PPP3CA: variants seen among roughly 807,000 people sequenced by gnomAD.
The protein encoded by PPP3CA is protein phosphatase 3 catalytic subunit alpha, also known as CAM-PRP catalytic subunit.
PPP3CA carries 14 observed loss-of-function variants against 66.5 expected under a neutral mutation model. That is an observed-to-expected ratio of 0.21 (90% CI 0.14 to 0.33). The LOEUF (loss-of-function observed/expected upper bound fraction) is 0.33. PPP3CA is among the 10% of genes least tolerant of loss of function. PPP3CA has a pLI of 1.00. For synonymous variants in PPP3CA, 232 were observed against 226.2 expected (o/e 1.03, Z -0.23); for missense variants, 317 against 639.5 (o/e 0.50, Z 5.44).
At chr4:101,291,866 C>T (rs1243405933) in intron 1 of PPP3CA, among the ~76,000 whole-genome samples, 1 of 152,184 alleles carries the variant, frequency 6.6e-6, no homozygotes, top group Non-Finnish European at 1.5e-5. Flanking sequence ...CAGTGGCTCA[C>T]ACCTGTAATC....
chr4:101,296,103 T>C (rs1403372685), intron 1 of PPP3CA, among the ~76,000 whole-genome samples: 1 of 152,180 alleles, frequency 6.6e-6, no homozygotes, highest in Non-Finnish European at 1.5e-5. Context: ...AACCTTAGAA[T>C]TATATATATG....
intron 1 of PPP3CA, chr4:101,330,367 T>A (rs777078205): frequency 6.9e-5 from 35 of 510,382 alleles, no homozygotes; most frequent in South Asian, 1.4e-4. Flanking sequence ...ATCTAAAAAA[T>A]CTACTTTCTT....
At position 101,346,895 on chromosome 4, in the gene PPP3CA, C is replaced by T; in HGVS notation, c.-99G>A. ...ACACTCAACGCCGCCGCCGCCGCCG[C>T]CGCCGCCGCGCTGCAAACCGCTCGG... On this transcript the variant is annotated 5_prime_UTR_variant, in exon 1 of 14. Transcript: ENST00000394854. 1 of 1,423,604 alleles carries T rather than the reference C, an allele frequency of 7.0e-7. No individual in the cohort carries two copies. The highest frequency in any genetic ancestry group is 9.6e-7 in the Non-Finnish European group (1 of 1,037,870). 88.2% of individuals were successfully genotyped at this position (1,423,604 alleles called of 1,614,324 possible).
intron 3 of PPP3CA, among the ~76,000 whole-genome samples, chr4:101,106,449 GAAAGAGAAAAGAAAAGAAAA>G (rs1560605071): frequency 0.025 from 136 of 5,550 alleles, 45 homozygotes; most frequent in African/African-American, 0.055. Context: ...AAGAAAGAAA[GAAAGAGAAAAGAAAAGAAAA>G]GAAAAGAAAA....
chr4:101,065,014 A>C (rs1306587977), intron 8 of PPP3CA, among the ~76,000 whole-genome samples: 2 of 151,986 alleles, frequency 1.3e-5, no homozygotes, highest in Non-Finnish European at 2.9e-5. Flanking sequence ...GGGGACAAGA[A>C]ATGTAGATAG....
intron 6 of PPP3CA, among the ~76,000 whole-genome samples, chr4:101,091,793 G>T (rs1729952641): frequency 6.7e-6 from 1 of 148,304 alleles, no homozygotes; most frequent in African/African-American, 2.5e-5. Flanking sequence ...ATTAACTTCA[G>T]GGAACATCAG....
intron 6 of PPP3CA, among the ~76,000 whole-genome samples, chr4:101,090,351 T>C (rs1729858124): frequency 6.6e-6 from 1 of 152,078 alleles, no homozygotes; most frequent in South Asian, 2.1e-4. Flanking sequence ...TAAGAATGTT[T>C]AATGAGGCTG....
chr4:101,306,224 G>A (rs1728531725), intron 1 of PPP3CA, among the ~76,000 whole-genome samples: 1 of 152,040 alleles, frequency 6.6e-6, no homozygotes. Context: ...GCATATGGGG[G>A]CAGCTAATTA....
At chr4:101,206,135 G>T (rs1475772455) in intron 1 of PPP3CA, among the ~76,000 whole-genome samples, 6 of 152,144 alleles carry the variant, frequency 3.9e-5, no homozygotes, top group Admixed American at 2.0e-4. Context: ...CTCATCCACA[G>T]TCTGCGGTTC....
At chr4:101,156,791 T>C (rs531388809) in intron 2 of PPP3CA, among the ~76,000 whole-genome samples, 5 of 152,286 alleles carry the variant, frequency 3.3e-5, no homozygotes, top group African/African-American at 1.2e-4. Flanking sequence ...GGCCAAACTG[T>C]GGGTGGCCTG....
At chr4:101,148,603 G>A (rs745411793) in intron 2 of PPP3CA, among the ~76,000 whole-genome samples, 18 of 152,028 alleles carry the variant, frequency 1.2e-4, no homozygotes, top group Non-Finnish European at 1.6e-4. Flanking sequence ...ATTCCCGATC[G>A]AATTAGCATA....
At chr4:101,266,885 C>T (rs915669553) in intron 1 of PPP3CA, among the ~76,000 whole-genome samples, 2 of 152,218 alleles carry the variant, frequency 1.3e-5, no homozygotes, top group African/African-American at 2.4e-5. Context: ...ATTACTGATA[C>T]TGTCCTCTCT....
At chr4:101,069,913 T>G (rs996691319) in intron 8 of PPP3CA, among the ~76,000 whole-genome samples, 1 of 152,190 alleles carries the variant, frequency 6.6e-6, no homozygotes, top group South Asian at 2.1e-4. Flanking sequence ...GTTAATTGAC[T>G]GTTTATGTTA....
chr4:101,174,888 C>T (rs908816997), intron 2 of PPP3CA, among the ~76,000 whole-genome samples: 1 of 152,136 alleles, frequency 6.6e-6, no homozygotes, highest in Non-Finnish European at 1.5e-5. Flanking sequence ...CACTGAAACA[C>T]AGTATACGTA....
At chr4:101,251,171 T>C (rs1726665741) in intron 1 of PPP3CA, among the ~76,000 whole-genome samples, 1 of 151,986 alleles carries the variant, frequency 6.6e-6, no homozygotes, top group Non-Finnish European at 1.5e-5. Context: ...AATTATATCA[T>C]ATGAAGACAA....
At chr4:101,236,670 T>C (rs1325292742) in intron 1 of PPP3CA, among the ~76,000 whole-genome samples, 3 of 151,986 alleles carry the variant, frequency 2.0e-5, no homozygotes, top group Non-Finnish European at 4.4e-5. Flanking sequence ...TATTTGCCTC[T>C]GAATTGTTGA....
chr4:101,189,521 T>A (rs1444379328), intron 2 of PPP3CA, among the ~76,000 whole-genome samples: 3 of 151,944 alleles, frequency 2.0e-5, no homozygotes, highest in Non-Finnish European at 1.5e-5. Context: ...TGCTTGGGAT[T>A]TAATCCCAAT....
intron 1 of PPP3CA, among the ~76,000 whole-genome samples, chr4:101,198,677 AG>A (rs1724875997): frequency 6.6e-6 from 1 of 152,160 alleles, no homozygotes; most frequent in African/African-American, 2.4e-5. Context: ...CGAAGGTGAG[AG>A]GCAACAGGAG....
chr4:101,214,554 G>C (rs1725400814), intron 1 of PPP3CA, among the ~76,000 whole-genome samples: 1 of 152,002 alleles, frequency 6.6e-6, no homozygotes, highest in Admixed American at 6.6e-5. Flanking sequence ...AGACGTGCTG[G>C]CTTTCTGCAC....
Sources: gnomAD v4.1 joint callset for allele counts (sites outside exome capture counted in the v4.1 genomes callset) on GRCh38, gnomAD v4.1.1 for gene constraint, MANE v1.5 for transcripts, NCBI Gene and HGNC (gene_info 2026-07-23, HGNC 2026-07-21) for gene names.